The following CFAP251 variants were observed in gnomAD, a reference collection of about 807,000 sequenced individuals.
CFAP251 encodes cilia- and flagella-associated protein 251.
Under a neutral mutation model 126.7 loss-of-function variants are expected in CFAP251, and 93 were observed. The ratio of observed to expected loss-of-function variants is 0.73; its 90% CI spans 0.62 to 0.87. The LOEUF (loss-of-function observed/expected upper bound fraction) is 0.87, where lower values mean the gene tolerates loss of function less well. Among genes scored for constraint, CFAP251 ranks in the 40% least tolerant of loss-of-function variants. The pLI is 0.00. For missense variants in CFAP251, 1,287 were observed against 1,389.2 expected, an observed-to-expected ratio of 0.93 and a Z score of 1.17; for synonymous variants, 503 against 506.9, an observed-to-expected ratio of 0.99 and a Z score of 0.10.
At chr12:121,951,422 C>T (rs561395844) in intron 8 of CFAP251, 58 bp from the exon 9 acceptor site, 21 of 1,218,940 alleles carry the variant, frequency 1.7e-5, no homozygotes, top group East Asian at 1.7e-4. Context: ...TTATTAATGC[C>T]GTTCTTCCTT....
intron 21 of CFAP251, among the ~76,000 whole-genome samples, chr12:122,003,091 C>T (rs1006219492): frequency 1.8e-4 from 27 of 152,084 alleles, no homozygotes; most frequent in Admixed American, 1.3e-3. Flanking sequence ...TCAATCATAC[C>T]ATGTGGTTAA....
intron 19 of CFAP251, among the ~76,000 whole-genome samples, chr12:121,985,172 A>G (rs1882716221): frequency 1.3e-5 from 2 of 152,110 alleles, no homozygotes; most frequent in African/African-American, 4.8e-5. Flanking sequence ...TTTTTATTTT[A>G]TTTGCTATTT....
intron 3 of CFAP251, among the ~76,000 whole-genome samples, chr12:121,924,672 C>T (rs1369911751): frequency 2.6e-5 from 4 of 151,514 alleles, no homozygotes; most frequent in East Asian, 2.0e-4. Context: ...CCTCGTGATC[C>T]GCCCACCTCG....
intron 19 of CFAP251, among the ~76,000 whole-genome samples, chr12:121,977,642 A>C (rs1882494919): frequency 6.6e-6 from 1 of 151,802 alleles, no homozygotes; most frequent in Admixed American, 6.6e-5. Context: ...CCTGGGCGAC[A>C]GAGCGAAACT....
At chr12:121,934,416 G>C in intron 5 of CFAP251, 60 bp downstream of exon 5, 2 of 1,267,928 alleles carry the variant, frequency 1.6e-6, no homozygotes, top group Non-Finnish European at 2.3e-6. Context: ...CTGCCACTGT[G>C]TGACAGTGAC....
At chr12:121,967,117 T>C in intron 16 of CFAP251, 48 bp downstream of exon 16, 1 of 1,529,842 alleles carries the variant, frequency 6.5e-7, no homozygotes, top group Non-Finnish European at 9.1e-7. Flanking sequence ...CTGTGTGTCA[T>C]GAGCAGCAGT....
chr12:121,987,135 C>T (rs1222955378), intron 19 of CFAP251, among the ~76,000 whole-genome samples: 6 of 152,214 alleles, frequency 3.9e-5, no homozygotes, highest in Non-Finnish European at 5.9e-5. Context: ...ATAAAGACCC[C>T]GAGGGAATTT....
At chr12:121,931,276 TA>T (rs1880673786) in intron 3 of CFAP251, among the ~76,000 whole-genome samples, 1 of 150,740 alleles carries the variant, frequency 6.6e-6, no homozygotes, top group Admixed American at 6.6e-5. Flanking sequence ...ATTCACCCTT[TA>T]AATTTTTTTT....
intron 3 of CFAP251, among the ~76,000 whole-genome samples, chr12:121,928,664 ATATACG>A (rs1367554539): frequency 4.6e-4 from 21 of 45,786 alleles, no homozygotes; most frequent in African/African-American, 6.0e-4. Flanking sequence ...ATACGTATAT[ATATACG>A]TATATATATA....
intron 1 of CFAP251, among the ~76,000 whole-genome samples, chr12:121,919,907 C>A (rs778197784): frequency 6.6e-6 from 1 of 152,158 alleles, no homozygotes; most frequent in African/African-American, 2.4e-5. Flanking sequence ...CCCAGCTGCG[C>A]GTGATGGCTC....
chr12:121,962,299 T>C, intron 15 of CFAP251, 137 bp downstream of exon 15: 1 of 756,878 alleles, frequency 1.3e-6, no homozygotes, highest in Non-Finnish European at 2.1e-6. Context: ...AGGAGGAGAC[T>C]GAGGCACAGA....
chr12:121,969,079 C>A (rs1199787653), intron 17 of CFAP251: 1 of 985,212 alleles, frequency 1.0e-6, no homozygotes, highest in Non-Finnish European at 1.2e-6. Flanking sequence ...GGTAGTGTGA[C>A]GTTGAGGAGC....
chr12:121,945,545 A>T (rs187567675), intron 7 of CFAP251, among the ~76,000 whole-genome samples: 2 of 149,740 alleles, frequency 1.3e-5, no homozygotes, highest in Middle Eastern at 6.9e-3. Context: ...GGGTTTCACC[A>T]TGTTAGCCAG....
rs544886439 is a variant in CFAP251 at position 121,959,006 on chromosome 12, A to G, written c.2045A>G (p.Glu682Gly). ...TVYILDAMSL[E>G]NESPEPFKYS... Reference sequence around the variant, plus strand: ...TACATTCTTGATGCAATGTCTTTAGAAAATGAAAGCCCAGAGCCTTTCAAA... The same window carrying G: ...TACATTCTTGATGCAATGTCTTTAGGAAATGAAAGCCCAGAGCCTTTCAAA... Residue 682 changes from glutamate to glycine, a missense_variant, in exon 13 of 22, where the codon GAA (glutamate) becomes GGA (glycine). Glu to Gly is a moderately conservative substitution (Grantham distance 98). Coordinates refer to ENST00000288912, the MANE Select transcript of CFAP251 (RefSeq NM_144668.6). 128 of 1,612,530 alleles carry G rather than the reference A, an allele frequency of 7.9e-5. No individual in the cohort carries two copies. The highest frequency in any genetic ancestry group is 1.0e-4 in the Non-Finnish European group (123 of 1,179,626).
At chr12:121,954,392 G>A in intron 10 of CFAP251, 58 bp downstream of exon 10, 3 of 1,443,278 alleles carry the variant, frequency 2.1e-6, no homozygotes, top group East Asian at 5.0e-5. Flanking sequence ...TTTTAAAATT[G>A]TTATGGGAGG....
intron 3 of CFAP251, among the ~76,000 whole-genome samples, chr12:121,927,538 C>G (rs1187229755): frequency 6.6e-6 from 1 of 152,170 alleles, no homozygotes; most frequent in East Asian, 1.9e-4. Flanking sequence ...CTCAGGTGAT[C>G]CACCCACCTC....
intron 19 of CFAP251, among the ~76,000 whole-genome samples, chr12:121,987,715 C>CAAA (rs67772162): frequency 1.3e-4 from 11 of 85,026 alleles, no homozygotes; most frequent in Admixed American, 1.2e-3. Context: ...GACTCCGTCT[C>CAAA]AAAAAAAAAA....
At chr12:121,954,636 T>TAAAAA (rs1174239421) in intron 10 of CFAP251, among the ~76,000 whole-genome samples, 4,360 of 41,908 alleles carry the variant, frequency 0.1, 1,224 homozygotes, top group East Asian at 0.25. Flanking sequence ...CCTCCTGTCT[T>TAAAAA]AAAAAAAAAA....
At chr12:121,954,572 G>A (rs1032162147) in intron 10 of CFAP251, among the ~76,000 whole-genome samples, 1 of 129,504 alleles carries the variant, frequency 7.7e-6, no homozygotes, top group East Asian at 2.5e-4. Context: ...GGAGTTCGAG[G>A]CTGCAATGAG....
Sources: allele counts gnomAD v4.1 joint callset (sites outside exome capture counted in the v4.1 genomes callset), GRCh38; gene constraint gnomAD v4.1.1; transcripts MANE v1.5; gene names NCBI Gene and HGNC (gene_info 2026-07-23, HGNC 2026-07-21).